The following LRBA variants were observed in gnomAD, a reference collection of about 807,000 sequenced individuals.
LRBA encodes the protein lipopolysaccharide-responsive and beige-like anchor protein.
A neutral mutation model predicts 330.0 loss-of-function variants in LRBA; 176 were observed. The ratio of observed to expected loss-of-function variants is 0.53; its 90% CI spans 0.47 to 0.60. LRBA has a LOEUF of 0.60. Ranked by LOEUF, LRBA falls within the 20% of genes least tolerant of loss-of-function variation. LRBA has a pLI of 0.00. For synonymous variants in LRBA, 1,230 were observed against 1,193.0 expected (o/e 1.03, Z -0.64); for missense variants, 3,259 against 3,444.8 (o/e 0.95, Z 1.35).
chr4:150,864,838 G>A (rs1167683507), intron 22 of LRBA, among the ~76,000 whole-genome samples: 1 of 151,874 alleles, frequency 6.6e-6, no homozygotes, highest in Non-Finnish European at 1.5e-5. Flanking sequence ...GCAGAGATGG[G>A]GTTTCACCAT....
chr4:150,968,995 C>T (rs971807866), intron 2 of LRBA, among the ~76,000 whole-genome samples: 2 of 152,188 alleles, frequency 1.3e-5, no homozygotes, highest in Non-Finnish European at 2.9e-5. Flanking sequence ...AATGGAACAA[C>T]AAAGCCTGGA....
At chr4:150,907,924 T>C (rs113374724) in intron 11 of LRBA, among the ~76,000 whole-genome samples, 201 of 152,222 alleles carry the variant, frequency 1.3e-3, no homozygotes, top group African/African-American at 4.5e-3. Flanking sequence ...ATGCAATCAG[T>C]AATAAATAAT....
intron 47 of LRBA, among the ~76,000 whole-genome samples, chr4:150,397,264 G>A (rs1222122552): frequency 1.3e-5 from 2 of 151,958 alleles, no homozygotes; most frequent in South Asian, 2.1e-4. Flanking sequence ...TACAATGTAC[G>A]ATACAAAAAG....
intron 47 of LRBA, among the ~76,000 whole-genome samples, chr4:150,372,953 A>C (rs908773907): frequency 1.3e-5 from 2 of 151,942 alleles, no homozygotes; most frequent in Non-Finnish European, 2.9e-5. Context: ...ATTTGATCTG[A>C]GAAATGCTCC....
chr4:150,779,981 TA>T (rs1254215419), intron 34 of LRBA, among the ~76,000 whole-genome samples: 2 of 152,192 alleles, frequency 1.3e-5, no homozygotes, highest in Non-Finnish European at 2.9e-5. Flanking sequence ...GCTCTAGATG[TA>T]AAAACCAGAA....
At position 150,872,751 on chromosome 4, in the gene LRBA, TAACAC is replaced by T; in HGVS notation, c.2166-1_2169del. 6.4e-7 allele frequency: 1 copy of T among 1,551,526 alleles called. No individual in the cohort carries two copies. Among genetic ancestry groups the T allele is most frequent in the Non-Finnish European group, 8.8e-7 (1 of 1,131,810 alleles). On this transcript the variant is annotated splice_acceptor_variant and coding_sequence_variant, in exon 18 of 57. Coordinates refer to ENST00000651943, the MANE Select transcript of LRBA (RefSeq NM_001364905.1). LOFTEE classifies it high-confidence loss of function. ...CTTTTCGATGCCAGAAGTTTGTAGA[TAACAC>T]TGAATGAATAAAAATTTAAAACAAA...
intron 42 of LRBA, among the ~76,000 whole-genome samples, chr4:150,476,533 A>C (rs1022353429): frequency 6.6e-6 from 1 of 152,080 alleles, no homozygotes; most frequent in Non-Finnish European, 1.5e-5. Flanking sequence ...CCCCTACACC[A>C]CCACCACTCT....
intron 44 of LRBA, among the ~76,000 whole-genome samples, chr4:150,464,325 A>T (rs927037816): frequency 6.6e-6 from 1 of 152,078 alleles, no homozygotes; most frequent in Admixed American, 6.6e-5. Context: ...CCCAAAAATG[A>T]TATTTTTACT....
chr4:150,660,940 G>T (rs1275710710), intron 37 of LRBA, among the ~76,000 whole-genome samples: 39 of 117,728 alleles, frequency 3.3e-4, no homozygotes, highest in Admixed American at 2.8e-3. Context: ...GCGGAAGGCC[G>T]CAGGGTCCTC....
intron 2 of LRBA, among the ~76,000 whole-genome samples, chr4:150,951,925 C>T (rs2149545033): frequency 6.6e-6 from 1 of 152,184 alleles, no homozygotes; most frequent in East Asian, 1.9e-4. Flanking sequence ...AAAAACTCAG[C>T]ATATGTTAAA....
intron 44 of LRBA, among the ~76,000 whole-genome samples, chr4:150,444,034 G>A (rs1385808284): frequency 1.3e-5 from 2 of 151,176 alleles, no homozygotes; most frequent in East Asian, 3.9e-4. Context: ...TACTATTAAA[G>A]TTTTTATCCC....
intron 34 of LRBA, among the ~76,000 whole-genome samples, chr4:150,792,028 CAAAAAAAAAAAAA>C (rs11389573): frequency 8.6e-5 from 4 of 46,328 alleles, no homozygotes; most frequent in African/African-American, 4.1e-4. Flanking sequence ...GGCTCCATCT[CAAAAAAAAAAAAA>C]AAAAAAAAAA....
chr4:150,321,068 A>G lies in LRBA; in HGVS notation c.7630+123T>C. The G allele has an allele frequency of 1.5e-5, 14 of 933,470 alleles. No individual in the cohort carries two copies. Among genetic ancestry groups the G allele is most frequent in the Non-Finnish European group, 2.2e-5 (14 of 630,706 alleles). The allele number at this position is 933,470 out of a possible 1,614,324, so 57.8% of individuals were successfully genotyped here. A position where few individuals can be genotyped will look rare whatever the true frequency, so the allele number is the denominator to read the frequency against. ...TTTTTTAAGCCTTTCAAACTATTAA[A>G]CAATTTGATTCAGACTAATGCTTGA... On this transcript the variant is annotated intron_variant, in intron 50 of 56. Coordinates refer to ENST00000651943, the MANE Select transcript of LRBA (RefSeq NM_001364905.1). This position sits in a 1 kb window ranked among gnomAD's most constrained non-coding sequence, Gnocchi z 4.5.
Position 150,928,942 on chromosome 4 carries a change from A to G in LRBA, c.340T>C (p.Phe114Leu). 1 of 1,614,038 alleles carries G rather than the reference A, an allele frequency of 6.2e-7. No individual in the cohort carries two copies. Among genetic ancestry groups the G allele is most frequent in the South Asian group, 1.1e-5 (1 of 91,072 alleles). ...ITCQAEVWSM[F>L]TAILKKSIRN... is the part of the protein sequence containing the mutation. ...ATGCTTTTCTTCAGAATGGCTGTAA[A>G]CATGCTCCAGACTTCTGCTTGGCAC... Residue 114 changes from phenylalanine (F) to leucine (L), a missense_variant, in exon 3 of 57, where the codon TTT becomes CTT. Transcript: ENST00000651943.
chr4:150,324,856 C>G (rs1192123371), intron 49 of LRBA, among the ~76,000 whole-genome samples: 1 of 152,124 alleles, frequency 6.6e-6, no homozygotes, highest in Non-Finnish European at 1.5e-5. Context: ...TATGTATAGT[C>G]TATTCCTTAA....
rs528347748 is a variant in LRBA, at chr4:150,684,553, A to G, written c.5755-836T>C. On this transcript the variant is annotated intron_variant, in intron 36 of 56. Coordinates refer to ENST00000651943, the MANE Select transcript of LRBA (RefSeq NM_001364905.1). The stretch of plus-strand genomic sequence containing the variant: ...CAATTTTACCAAAAAACACCTTAGA[A>G]TTATTTGTCAGTAATCAGATACACT... Among the ~76,000 whole-genome samples, 7 of 152,298 alleles carry G rather than the reference A, an allele frequency of 4.6e-5. No individual in the cohort carries two copies. The South Asian group carries it at 1.2e-3, about 27-fold the overall frequency.
At chr4:150,673,835 T>A (rs560811474) in intron 37 of LRBA, among the ~76,000 whole-genome samples, 1 of 152,370 alleles carries the variant, frequency 6.6e-6, no homozygotes, top group South Asian at 2.1e-4. Context: ...AATATTTGAA[T>A]AATATTGTGT....
At chr4:150,675,520 C>G (rs1301314954) in intron 37 of LRBA, among the ~76,000 whole-genome samples, 1 of 151,878 alleles carries the variant, frequency 6.6e-6, no homozygotes, top group Non-Finnish European at 1.5e-5. Flanking sequence ...AGTTCGAGAC[C>G]AGCCTGGCGA....
chr4:150,565,789 T>C (rs1237797420), intron 40 of LRBA, among the ~76,000 whole-genome samples: 1 of 152,150 alleles, frequency 6.6e-6, no homozygotes, highest in East Asian at 1.9e-4. Context: ...TACATTTATA[T>C]GTATGTATGT....
Sources: gnomAD v4.1 joint callset for allele counts (sites outside exome capture counted in the v4.1 genomes callset) on GRCh38, gnomAD v4.1.1 for gene constraint, Gnocchi (gnomAD v3.1) non-coding constraint, MANE v1.5 for transcripts, NCBI Gene and HGNC (gene_info 2026-07-23, HGNC 2026-07-21) for gene names.